The following STAG1 variants were observed in gnomAD, a reference collection of about 807,000 sequenced individuals.
The protein encoded by STAG1 is cohesin subunit SA-1.
STAG1 carries 26 observed loss-of-function variants against 170.9 expected under a neutral mutation model. That is an observed-to-expected ratio of 0.15 (90% CI 0.11 to 0.21). STAG1 has a LOEUF of 0.21. Ranked by LOEUF, STAG1 falls within the 10% of genes least tolerant of loss-of-function variation. The pLI is 1.00. For synonymous variants in STAG1, 514 were observed against 497.7 expected (o/e 1.03, Z -0.44); for missense variants, 964 against 1,509.5 (o/e 0.64, Z 5.99).
intron 25 of STAG1, among the ~76,000 whole-genome samples, chr3:136,363,670 T>C (rs146872316): frequency 6.6e-6 from 1 of 152,232 alleles, no homozygotes; most frequent in Non-Finnish European, 1.5e-5. Flanking sequence ...GTTACAGGAA[T>C]GCACATTTGA....
At chr3:136,653,005 T>C (rs946777639) in intron 1 of STAG1, among the ~76,000 whole-genome samples, 11 of 152,060 alleles carry the variant, frequency 7.2e-5, no homozygotes, top group Admixed American at 2.6e-4. Context: ...CCGGGCACAG[T>C]GGTTCACGCC....
Position 136,437,093 on chromosome 3 carries a change from T to C in STAG1, c.1547-3434A>G, listed in dbSNP as rs1046034155. Among the ~76,000 whole-genome samples, 44 of 152,356 alleles carry C rather than the reference T, an allele frequency of 2.9e-4. 1 individual carries two copies. The highest frequency in any genetic ancestry group is 1.0e-3 in the African/African-American group (43 of 41,594). ...CAAGGCTGCCCATGAACTAAATGCA[T>C]TGTCTGTTATTTAGGAAGAAAACAC... On this transcript the variant is annotated intron_variant, in intron 15 of 33. Coordinates refer to ENST00000383202, the MANE Select transcript of STAG1 (RefSeq NM_005862.3).
At chr3:136,542,909 G>A (rs959590009) in intron 5 of STAG1, among the ~76,000 whole-genome samples, 2 of 152,062 alleles carry the variant, frequency 1.3e-5, no homozygotes, top group African/African-American at 4.8e-5. Flanking sequence ...CCCGGTATCA[G>A]ACCCATGGTT....
Position 136,528,503 on chromosome 3 carries a change from C to CG in STAG1, c.472-7087_472-7086insC, listed in dbSNP as rs60822372. ...CAACAGATGTCCCCGCACCCCCCCC[C>CG]CCAAAAAATCACTAAGTCCTGGAAA... On this transcript the variant is annotated intron_variant, in intron 6 of 33. Transcript: ENST00000383202. Among the ~76,000 whole-genome samples, 17 of 125,344 alleles carry CG rather than the reference C, an allele frequency of 1.4e-4. 1 individual carries two copies. Among genetic ancestry groups the CG allele is most frequent in the Middle Eastern group, 3.8e-3 (1 of 264 alleles). 82.2% of individuals were successfully genotyped at this position (125,344 alleles called of 152,430 possible). A position where few individuals can be genotyped will look rare whatever the true frequency, so the allele number is the denominator to read the frequency against.
intron 25 of STAG1, among the ~76,000 whole-genome samples, chr3:136,364,069 CTTGTTTT>C (rs967179669): frequency 4.8e-5 from 7 of 145,460 alleles, no homozygotes; most frequent in Non-Finnish European, 9.0e-5. Context: ...CTTCTCCATT[CTTGTTTT>C]TTGTTTTTGC....
intron 7 of STAG1, among the ~76,000 whole-genome samples, chr3:136,508,975 C>T (rs1278369945): frequency 6.6e-6 from 1 of 152,190 alleles, no homozygotes; most frequent in African/African-American, 2.4e-5. Context: ...CAGACTGACA[C>T]AAAGGGTTCC....
At chr3:136,605,429 A>G (rs1938885513) in intron 3 of STAG1, among the ~76,000 whole-genome samples, 1 of 152,180 alleles carries the variant, frequency 6.6e-6, no homozygotes, top group Admixed American at 6.5e-5. Context: ...TTCACATACA[A>G]ACTCATTCTA....
chr3:136,528,356 C>T (rs968774499), intron 6 of STAG1, among the ~76,000 whole-genome samples: 2 of 152,016 alleles, frequency 1.3e-5, no homozygotes, highest in African/African-American at 2.4e-5. Flanking sequence ...AGTGAGGCTC[C>T]GTGGGCATGG....
intron 1 of STAG1, among the ~76,000 whole-genome samples, chr3:136,655,907 G>A (rs946115581): frequency 1.3e-5 from 2 of 152,056 alleles, no homozygotes; most frequent in Admixed American, 1.3e-4. Context: ...ATACAATCCA[G>A]CAATTTTACT....
intron 22 of STAG1, among the ~76,000 whole-genome samples, chr3:136,382,405 T>C (rs1475428968): frequency 1.3e-5 from 2 of 150,658 alleles, no homozygotes; most frequent in Non-Finnish European, 3.0e-5. Context: ...GGCTTTCTTT[T>C]TTTTTTTTTT....
chr3:136,376,854 G>A (rs1215145613), intron 23 of STAG1, among the ~76,000 whole-genome samples: 2 of 151,834 alleles, frequency 1.3e-5, no homozygotes, highest in South Asian at 2.1e-4. Context: ...GCAATGGCGC[G>A]ATCTTGGCTC....
chr3:136,710,036 AAAAAT>A (rs375451366), intron 1 of STAG1, among the ~76,000 whole-genome samples: 10 of 152,328 alleles, frequency 6.6e-5, no homozygotes, highest in African/African-American at 2.2e-4. Flanking sequence ...CCCCATCTCA[AAAAAT>A]AAAATAAAAT....
At chr3:136,692,651 A>G (rs1473604516) in intron 1 of STAG1, among the ~76,000 whole-genome samples, 3 of 152,170 alleles carry the variant, frequency 2.0e-5, no homozygotes, top group Admixed American at 6.5e-5. Context: ...AAAAAAGTCA[A>G]TTACAGTGAA....
chr3:136,675,951 T>TA (rs1240776922), intron 1 of STAG1, among the ~76,000 whole-genome samples: 1 of 152,258 alleles, frequency 6.6e-6, no homozygotes, highest in Non-Finnish European at 1.5e-5. Context: ...AGAATGTACT[T>TA]ACACAAATGT....
chr3:136,545,347 C>A (rs1936109250), intron 5 of STAG1, among the ~76,000 whole-genome samples: 1 of 152,122 alleles, frequency 6.6e-6, no homozygotes, highest in Non-Finnish European at 1.5e-5. Context: ...GGATTACAGG[C>A]GTGAGCCACC....
Position 136,473,769 on chromosome 3 carries a change from T to C in STAG1, c.1027-132A>G, listed in dbSNP as rs2089679958. 5 of 656,866 alleles carry C rather than the reference T, an allele frequency of 7.6e-6. No individual in the cohort carries two copies. In the Admixed American group the frequency reaches 1.4e-4, roughly 19 times the overall value. The allele number at this position is 656,866 out of a possible 1,614,324, so 40.7% of individuals were successfully genotyped here. A position where few individuals can be genotyped will look rare whatever the true frequency, so the allele number is the denominator to read the frequency against. On this transcript the variant is annotated intron_variant, in intron 10 of 33. Coordinates refer to ENST00000383202, the MANE Select transcript of STAG1 (RefSeq NM_005862.3). ...ATTGTAATTCAACATAGGATGAGAC[T>C]GAACAATTGTATAGTGTGTGTTGCC... is the stretch of plus-strand genomic sequence containing the variant.
At chr3:136,616,772 A>G (rs561242850) in intron 3 of STAG1, among the ~76,000 whole-genome samples, 95 of 152,228 alleles carry the variant, frequency 6.2e-4, no homozygotes, top group African/African-American at 2.2e-3. Context: ...GTGATGCATG[A>G]CTGTAGTCCC....
At chr3:136,611,008 G>A (rs1939248118) in intron 3 of STAG1, among the ~76,000 whole-genome samples, 1 of 152,108 alleles carries the variant, frequency 6.6e-6, no homozygotes, top group East Asian at 1.9e-4. Flanking sequence ...AACAAGAAGT[G>A]TGTCAGACTT....
intron 9 of STAG1, among the ~76,000 whole-genome samples, chr3:136,487,993 C>T (rs1222664793): frequency 6.6e-6 from 1 of 152,212 alleles, no homozygotes; most frequent in Non-Finnish European, 1.5e-5. Context: ...GAAGCAGAAC[C>T]TACAACCCCA....
Sources: allele counts gnomAD v4.1 joint callset (sites outside exome capture counted in the v4.1 genomes callset), GRCh38; gene constraint gnomAD v4.1.1; transcripts MANE v1.5; gene names NCBI Gene and HGNC (gene_info 2026-07-23, HGNC 2026-07-21).